Variants in SDK2 observed in about 807,000 individuals in gnomAD.
The protein encoded by SDK2 is protein sidekick-2.
In SDK2, 105 loss-of-function variants were observed where a neutral mutation model predicts 253.9. The observed-to-expected ratio is 0.41, with a 90% CI of 0.35 to 0.49. The LOEUF is 0.49. Ranked by LOEUF, SDK2 falls within the 20% of genes least tolerant of loss-of-function variation. The pLI is 0.06. For missense variants in SDK2, 2,608 were observed against 3,003.0 expected, an observed-to-expected ratio of 0.87 and a Z score of 3.07; for synonymous variants, 1,249 against 1,234.9, an observed-to-expected ratio of 1.01 and a Z score of -0.24.
chr17:73,412,016 ATACG>A (rs1568389164), intron 18 of SDK2, among the ~76,000 whole-genome samples: 7 of 51,674 alleles, frequency 1.4e-4, no homozygotes, highest in African/African-American at 5.4e-4. Flanking sequence ...ATATGTAGAT[ATACG>A]TATATGTATA....
chr17:73,580,272 G>A (rs1056598374), intron 1 of SDK2, among the ~76,000 whole-genome samples: 5 of 152,296 alleles, frequency 3.3e-5, no homozygotes, highest in Admixed American at 1.3e-4. Flanking sequence ...ACATACCAAC[G>A]TGTAATTACA....
rs1242524800 is a variant in SDK2, at chr17:73,618,617, C to G, written c.64+25408G>C. 6.6e-6 allele frequency among the ~76,000 whole-genome samples: 1 copy of G among 152,200 alleles called. No homozygotes were observed. The highest frequency in any genetic ancestry group is 2.4e-5 in the African/African-American group (1 of 41,446). ...GGTGTTTCCCTTTGGAATCTAGAGTCCACGTGGTGCCCAAGAACGGCATGG... is the reference window on the plus strand; with the variant it reads ...GGTGTTTCCCTTTGGAATCTAGAGTGCACGTGGTGCCCAAGAACGGCATGG... On this transcript the variant is annotated intron_variant, in intron 1 of 44. Transcript: ENST00000392650. This position sits in a 1 kb window ranked among gnomAD's most constrained non-coding sequence, Gnocchi z 4.1.
chr17:73,539,542 A>T (rs1263384054), intron 1 of SDK2, among the ~76,000 whole-genome samples: 1 of 152,068 alleles, frequency 6.6e-6, no homozygotes, highest in African/African-American at 2.4e-5. Context: ...GCTAGGGTTC[A>T]GGTCCAAGGA....
At chr17:73,454,524 C>A (rs2063509305) in intron 4 of SDK2, among the ~76,000 whole-genome samples, 2 of 152,328 alleles carry the variant, frequency 1.3e-5, no homozygotes, top group South Asian at 4.1e-4. Flanking sequence ...ATTCATTCAA[C>A]AACGCCTCCT....
chr17:73,405,154 A>G (rs1401687307), intron 18 of SDK2, among the ~76,000 whole-genome samples: 1 of 150,152 alleles, frequency 6.7e-6, no homozygotes, highest in Non-Finnish European at 1.5e-5. Context: ...TTAGAAAATA[A>G]AAGTTAGGCT....
At chr17:73,469,992 G>GCACACACACACACACA (rs34448667) in intron 3 of SDK2, among the ~76,000 whole-genome samples, 2 of 126,182 alleles carry the variant, frequency 1.6e-5, no homozygotes, top group Non-Finnish European at 3.3e-5. Flanking sequence ...GCGCGCGCGC[G>GCACACACACACACACA]CACACACACA....
At chr17:73,402,207 C>T in intron 18 of SDK2, 66 bp from the exon 19 acceptor site, 2 of 1,514,338 alleles carry the variant, frequency 1.3e-6, no homozygotes, top group Non-Finnish European at 9.0e-7. Flanking sequence ...AGCCCTCTCC[C>T]ACAGGCTGGG....
At position 73,401,215 on chromosome 17, in the gene SDK2, G is replaced by T; in HGVS notation, c.2780-4C>A. 6.5e-7 allele frequency: 1 copy of T among 1,543,438 alleles called. No individual in the cohort carries two copies. Among genetic ancestry groups the T allele is most frequent in the Non-Finnish European group, 8.8e-7 (1 of 1,141,150 alleles). ...TCCTCCCAGGAGATCCGGTACCCTG[G>T]GGAGAGCCGCCGTGTTGGCATGAGC... On this transcript the variant is annotated splice_region_variant and splice_polypyrimidine_tract_variant and intron_variant, in intron 20 of 44. Coordinates refer to ENST00000392650, the MANE Select transcript of SDK2 (RefSeq NM_001144952.2).
At chr17:73,588,211 C>G (rs868423796) in intron 1 of SDK2, among the ~76,000 whole-genome samples, 1,710 of 149,830 alleles carry the variant, frequency 0.011, 36 homozygotes, top group African/African-American at 0.039. Flanking sequence ...CCCCCCCTCC[C>G]CCGCCATCTC....
At position 73,358,173 on chromosome 17, in the gene SDK2, G is replaced by A. The variant is rs2062608755; in HGVS notation, c.5499C>T (p.Ile1833=). 3.1e-6 allele frequency: 5 copies of A among 1,609,148 alleles called. No homozygotes were observed. The highest frequency in any genetic ancestry group is 1.1e-5 in the South Asian group (1 of 90,302). The change falls in exon 40 of 45, where the codon ATC becomes ATT. Residue 1833 remains isoleucine, a synonymous_variant. Coordinates refer to ENST00000392650, the MANE Select transcript of SDK2 (RefSeq NM_001144952.2). ...TGGCGATGGCAGAGCTGTACCGCAC[G>A]ATGATGGGCACGCCAGGCGGTCCTG... ...GAPGPPGVPI[I]VRYSSAIAIH...
chr17:73,402,966 T>G (rs1213657594), intron 18 of SDK2, among the ~76,000 whole-genome samples: 4 of 151,836 alleles, frequency 2.6e-5, no homozygotes, highest in African/African-American at 9.7e-5. Flanking sequence ...CCCGGCTAAT[T>G]TTTGTATTTT....
intron 1 of SDK2, among the ~76,000 whole-genome samples, chr17:73,572,470 T>C (rs9909718): frequency 0.37 from 55,723 of 150,118 alleles, 11,002 homozygotes; most frequent in African/African-American, 0.53. Context: ...TCCCCAGCCC[T>C]GCCCTCCCTT....
intron 2 of SDK2, among the ~76,000 whole-genome samples, chr17:73,501,560 G>C (rs917567263): frequency 6.6e-6 from 1 of 152,226 alleles, no homozygotes; most frequent in African/African-American, 2.4e-5. Context: ...TTCTCAAACT[G>C]GGAATTCAAG....
chr17:73,530,378 C>A (rs2064159900), intron 1 of SDK2, among the ~76,000 whole-genome samples: 1 of 152,132 alleles, frequency 6.6e-6, no homozygotes, highest in Non-Finnish European at 1.5e-5. Context: ...CTTATAAAAT[C>A]ATCCATCAGC....
At chr17:73,554,045 A>C (rs2045106041) in intron 1 of SDK2, among the ~76,000 whole-genome samples, 1 of 152,052 alleles carries the variant, frequency 6.6e-6, no homozygotes, top group South Asian at 2.1e-4. Flanking sequence ...TATGTCCTCC[A>C]GGGGGAGCTG....
chr17:73,489,492 G>T (rs1203640696), intron 2 of SDK2, among the ~76,000 whole-genome samples: 1 of 152,198 alleles, frequency 6.6e-6, no homozygotes, highest in Non-Finnish European at 1.5e-5. Flanking sequence ...CATGAACCCT[G>T]CCAAGCACCG....
At chr17:73,408,926 T>C (rs1378364850) in intron 18 of SDK2, among the ~76,000 whole-genome samples, 2 of 152,234 alleles carry the variant, frequency 1.3e-5, no homozygotes, top group Admixed American at 6.5e-5. Flanking sequence ...TATTTTTAGC[T>C]ATCATAATGA....
intron 1 of SDK2, among the ~76,000 whole-genome samples, chr17:73,508,237 T>A (rs560589111): frequency 6.6e-6 from 1 of 152,366 alleles, no homozygotes; most frequent in East Asian, 1.9e-4. Context: ...GAACAGCTGC[T>A]TCCCCCTCTC....
In SDK2 at chr17:73,433,404, C is replaced by T. The variant is rs368580932; in HGVS notation, c.1312+328G>A. 9.5e-4 allele frequency among the ~76,000 whole-genome samples: 144 copies of T among 152,222 alleles called. 4 individuals carry two copies. In the South Asian group the frequency reaches 0.03, roughly 31 times the overall value. ...TTCAAGCGATTCTCCTATCTCAGCC[C>T]CTTCCCCAAGTAGCTGGGATTACAG... On this transcript the variant is annotated intron_variant, in intron 10 of 44. Coordinates refer to ENST00000392650, the MANE Select transcript of SDK2 (RefSeq NM_001144952.2).
Sources: gnomAD v4.1 joint callset for allele counts (sites outside exome capture counted in the v4.1 genomes callset) on GRCh38, gnomAD v4.1.1 for gene constraint, Gnocchi (gnomAD v3.1) non-coding constraint, MANE v1.5 for transcripts, NCBI Gene and HGNC (gene_info 2026-07-23, HGNC 2026-07-21) for gene names.